The following CTNND2 variants were observed in gnomAD, a reference collection of about 807,000 sequenced individuals.
The protein encoded by CTNND2 is catenin delta 2.
In CTNND2, 22 loss-of-function variants were observed where a neutral mutation model predicts 144.4. The observed-to-expected ratio is 0.15, with a 90% CI of 0.11 to 0.22. CTNND2 has a LOEUF of 0.22. CTNND2 is among the 10% of genes least tolerant of loss of function. CTNND2 has a pLI of 1.00. For missense variants in CTNND2, 1,353 were observed against 1,618.8 expected (o/e 0.84, Z 2.82); for synonymous variants, 751 against 695.6 (o/e 1.08, Z -1.25).
intron 11 of CTNND2, 42 bp from the exon 12 acceptor site, chr5:11,159,801 T>C (rs1217363900): frequency 2.7e-6 from 4 of 1,470,690 alleles, no homozygotes; most frequent in South Asian, 1.4e-5. Context: ...TGGCCACAAG[T>C]TTTTCTCATC....
chr5:11,867,912 T>C (rs1372148920), intron 1 of CTNND2, among the ~76,000 whole-genome samples: 1 of 151,082 alleles, frequency 6.6e-6, no homozygotes, highest in Non-Finnish European at 1.5e-5. Flanking sequence ...AATGCCTCAC[T>C]GTTTTATGAT....
At chr5:11,594,628 A>G (rs1779416102) in intron 2 of CTNND2, among the ~76,000 whole-genome samples, 1 of 152,178 alleles carries the variant, frequency 6.6e-6, no homozygotes, top group South Asian at 2.1e-4. Flanking sequence ...CTTTAAAATA[A>G]TTGACTATGC....
At chr5:11,798,450 A>G (rs926967768) in intron 1 of CTNND2, among the ~76,000 whole-genome samples, 9 of 152,084 alleles carry the variant, frequency 5.9e-5, no homozygotes, top group Non-Finnish European at 1.3e-4. Flanking sequence ...GAGAGTCCAC[A>G]TGTTTTAATG....
chr5:11,244,789 G>A (rs1370208020), intron 9 of CTNND2, among the ~76,000 whole-genome samples: 2 of 152,024 alleles, frequency 1.3e-5, no homozygotes, highest in South Asian at 4.1e-4. Flanking sequence ...ATGATTTCTG[G>A]TCCTGGCCTC....
rs1738091164 is a variant in CTNND2, at chr5:11,903,690, C to T, written c.37+127G>A. The T allele has an allele frequency of 2.9e-6, 3 of 1,035,600 alleles. No individual in the cohort carries two copies. The highest frequency in any genetic ancestry group is 2.0e-5 in the South Asian group (1 of 50,048). The allele number at this position is 1,035,600 out of a possible 1,614,324, so 64.2% of individuals were successfully genotyped here. A position where few individuals can be genotyped will look rare whatever the true frequency, so the allele number is the denominator to read the frequency against. On this transcript the variant is annotated intron_variant, in intron 1 of 21. Transcript: ENST00000304623. This position sits in a 1 kb window ranked among gnomAD's most constrained non-coding sequence, Gnocchi z 5.4. Reference sequence around the variant, plus strand: ...GGTCCTCCCCGAGGCAGGCAGAAACCCCGCAGCAGCCGCCGCCGCCGCCTG... The same window carrying T: ...GGTCCTCCCCGAGGCAGGCAGAAACTCCGCAGCAGCCGCCGCCGCCGCCTG...
intron 6 of CTNND2, among the ~76,000 whole-genome samples, chr5:11,395,024 T>C (rs1759959365): frequency 6.6e-6 from 1 of 152,208 alleles, no homozygotes; most frequent in Non-Finnish European, 1.5e-5. Flanking sequence ...TACAGGATAT[T>C]GTAAAAATTA....
intron 9 of CTNND2, among the ~76,000 whole-genome samples, chr5:11,341,038 C>G (rs32134): frequency 2.0e-5 from 3 of 152,044 alleles, no homozygotes; most frequent in South Asian, 4.1e-4. Context: ...GTAACACTTA[C>G]TCTCTTTCTA....
intron 1 of CTNND2, among the ~76,000 whole-genome samples, chr5:11,826,074 T>C (rs1793582650): frequency 6.6e-6 from 1 of 151,912 alleles, no homozygotes; most frequent in Non-Finnish European, 1.5e-5. Flanking sequence ...GTAGAAACAG[T>C]AAAAGTCAAG....
chr5:11,001,313 T>TG (rs1205589335), intron 18 of CTNND2, among the ~76,000 whole-genome samples: 3 of 152,238 alleles, frequency 2.0e-5, no homozygotes, highest in Non-Finnish European at 4.4e-5. Flanking sequence ...CACCCTGGTT[T>TG]GGGGGGAGTT....
intron 16 of CTNND2, among the ~76,000 whole-genome samples, chr5:11,037,394 G>A (rs2149561536): frequency 6.6e-6 from 1 of 152,254 alleles, no homozygotes; most frequent in Non-Finnish European, 1.5e-5. Flanking sequence ...TCGATTAAAG[G>A]ACTCTAACAA....
intron 15 of CTNND2, among the ~76,000 whole-genome samples, chr5:11,085,658 G>A (rs893785992): frequency 6.6e-6 from 1 of 152,202 alleles, no homozygotes; most frequent in Non-Finnish European, 1.5e-5. Flanking sequence ...ATATTTGAAA[G>A]AGAATTGGAA....
intron 1 of CTNND2, among the ~76,000 whole-genome samples, chr5:11,774,793 A>C (rs1011979181): frequency 6.6e-6 from 1 of 152,182 alleles, no homozygotes; most frequent in Non-Finnish European, 1.5e-5. Context: ...TCTGTTCATT[A>C]ATCTGAGCAC....
chr5:11,717,841 C>T (rs1345842635), intron 2 of CTNND2, among the ~76,000 whole-genome samples: 1 of 152,132 alleles, frequency 6.6e-6, no homozygotes, highest in African/African-American at 2.4e-5. Context: ...TTATCTCCAC[C>T]TGGCCCCACT....
intron 1 of CTNND2, among the ~76,000 whole-genome samples, chr5:11,807,970 T>C (rs772842835): frequency 6.6e-6 from 1 of 152,214 alleles, no homozygotes; most frequent in Non-Finnish European, 1.5e-5. Flanking sequence ...ATAGGAAATA[T>C]AGTCTATCAG....
At chr5:11,231,220 CTT>C (rs1233665429) in intron 10 of CTNND2, among the ~76,000 whole-genome samples, 1 of 147,324 alleles carries the variant, frequency 6.8e-6, no homozygotes, top group South Asian at 2.1e-4. Context: ...CATTAAACCT[CTT>C]TTTTTAATAA....
At chr5:11,619,137 G>C (rs1416191619) in intron 2 of CTNND2, among the ~76,000 whole-genome samples, 1 of 152,218 alleles carries the variant, frequency 6.6e-6, no homozygotes, top group Non-Finnish European at 1.5e-5. Context: ...GCCAGGCACA[G>C]TGGCTCATGC....
intron 1 of CTNND2, among the ~76,000 whole-genome samples, chr5:11,894,757 G>A (rs1041323311): frequency 2.6e-5 from 4 of 152,200 alleles, no homozygotes; most frequent in African/African-American, 9.7e-5. Context: ...GAGAAGGCAA[G>A]TGCCAAGCAC....
At chr5:11,317,047 A>G (rs1433245426) in intron 9 of CTNND2, among the ~76,000 whole-genome samples, 1 of 152,200 alleles carries the variant, frequency 6.6e-6, no homozygotes, top group Non-Finnish European at 1.5e-5. Flanking sequence ...ACATTTATGC[A>G]GCCAAAAAAC....
intron 3 of CTNND2, among the ~76,000 whole-genome samples, chr5:11,535,359 C>T (rs1774117733): frequency 6.6e-6 from 1 of 152,114 alleles, no homozygotes; most frequent in South Asian, 2.1e-4. Flanking sequence ...CTTCAAGATA[C>T]CCCAAAATAT....
Sources: gnomAD v4.1 joint callset for allele counts (sites outside exome capture counted in the v4.1 genomes callset) on GRCh38, gnomAD v4.1.1 for gene constraint, Gnocchi (gnomAD v3.1) non-coding constraint, MANE v1.5 for transcripts, NCBI Gene and HGNC (gene_info 2026-07-23, HGNC 2026-07-21) for gene names.